Variants in ADHFE1 observed in about 807,000 individuals in gnomAD.
The protein encoded by ADHFE1 is alcohol dehydrogenase iron containing 1.
ADHFE1 carries 37 observed loss-of-function variants against 54.8 expected under a neutral mutation model. The observed-to-expected ratio is 0.68, with a 90% CI of 0.52 to 0.89. The LOEUF (loss-of-function observed/expected upper bound fraction) is 0.89. Among genes scored for constraint, ADHFE1 ranks in the 40% least tolerant of loss-of-function variants. The pLI is 0.00. For synonymous variants in ADHFE1, 203 were observed against 229.3 expected, an observed-to-expected ratio of 0.89 and a Z score of 1.04; for missense variants, 601 against 591.2, an observed-to-expected ratio of 1.02 and a Z score of -0.17.
At chr8:66,461,055 A>G (rs1806872072) in intron 13 of ADHFE1, among the ~76,000 whole-genome samples, 3 of 152,346 alleles carry the variant, frequency 2.0e-5, no homozygotes, top group Middle Eastern at 3.4e-3. Flanking sequence ...GTAGAATCAT[A>G]CTAGGTGTAA....
intron 10 of ADHFE1, 69 bp from the exon 11 acceptor site, chr8:66,456,748 G>GT: frequency 8.3e-7 from 1 of 1,203,068 alleles, no homozygotes; most frequent in East Asian, 2.4e-5. Flanking sequence ...CCCCATAAGA[G>GT]TATCTTTCTA....
rs1436232640 is a variant in ADHFE1 at position 66,454,102 on chromosome 8, C to A, written c.931C>A (p.His311Asn). The A allele has an allele frequency of 6.2e-7, 1 of 1,614,064 alleles. No individual in the cohort carries two copies. The change falls in exon 10 of 14, where the codon CAC becomes AAC. Residue 311 changes from histidine (H) to asparagine (N), a missense_variant. His to Asn is a moderately conservative substitution (Grantham distance 68). Coordinates refer to ENST00000396623, the MANE Select transcript of ADHFE1 (RefSeq NM_144650.3). ...TGATCTTGAAGCAAGGTCTCATATG[C>A]ACTTGGCAAGTGCTTTTGCTGGCAT... ...PDDLEARSHM[H>N]LASAFAGIGF... is the part of the protein sequence containing the mutation.
chr8:66,439,337 C>T lies in ADHFE1; in HGVS notation c.60-825C>T. On this transcript the variant is annotated intron_variant, in intron 1 of 13. Coordinates refer to ENST00000396623, the MANE Select transcript of ADHFE1 (RefSeq NM_144650.3). The surrounding 1 kb of genome is among the most constrained non-coding windows in gnomAD (Gnocchi z 4.4). ...TGGGCAACCCAACGAAACATAAAAC[C>T]GTCTTCCCAGCCTCGATCAGAGAGC... is the stretch of plus-strand genomic sequence containing the variant. 7.1e-6 allele frequency: 7 copies of T among 985,646 alleles called. No individual in the cohort carries two copies. Among genetic ancestry groups the T allele is most frequent in the Non-Finnish European group, 8.4e-6 (7 of 830,134 alleles). 61.1% of individuals were successfully genotyped at this position (985,646 alleles called of 1,614,324 possible).
At chr8:66,464,154 A>T (rs1288307616) in intron 13 of ADHFE1, among the ~76,000 whole-genome samples, 3 of 152,190 alleles carry the variant, frequency 2.0e-5, no homozygotes, top group Non-Finnish European at 4.4e-5. Context: ...TCCCATGTTA[A>T]TGAGTTGTCC....
rs762481783 is a variant in ADHFE1 at position 66,445,361 on chromosome 8, C to A, written c.497C>A (p.Ala166Asp). The part of the protein sequence containing the change: ...PHSDFLDYVS[A>D]PIGKGKPVSV... Reference sequence around the variant, plus strand: ...TCTGATTTCCTAGATTATGTCAGTGCCCCCATTGGCAAGGGAAAGCCTGTG... The same window carrying A: ...TCTGATTTCCTAGATTATGTCAGTGACCCCATTGGCAAGGGAAAGCCTGTG... The change falls in exon 6 of 14, where the codon GCC becomes GAC. Residue 166 changes from alanine to aspartate, a missense_variant. Coordinates refer to ENST00000396623, the MANE Select transcript of ADHFE1 (RefSeq NM_144650.3). 6.2e-7 allele frequency: 1 copy of A among 1,613,804 alleles called. No homozygotes were observed. Among genetic ancestry groups the A allele is most frequent in the Non-Finnish European group, 8.5e-7 (1 of 1,179,948 alleles).
chr8:66,432,722 G>T, intron 1 of ADHFE1, 147 bp downstream of exon 1: 1 of 1,232,792 alleles, frequency 8.1e-7, no homozygotes, highest in Non-Finnish European at 1.0e-6. Flanking sequence ...CCCACCGCGC[G>T]CCAGGCGGAA....
chr8:66,433,023 A>C, intron 1 of ADHFE1: 2 of 480,602 alleles, frequency 4.2e-6, no homozygotes, highest in Non-Finnish European at 5.4e-6. Context: ...GGACGAGGCT[A>C]AAACCGGCTA....
intron 8 of ADHFE1, among the ~76,000 whole-genome samples, chr8:66,449,195 C>G (rs940043501): frequency 2.0e-5 from 3 of 152,282 alleles, no homozygotes; most frequent in South Asian, 4.1e-4. Flanking sequence ...TGGATCCCCC[C>G]CAGCCACAGC....
At chr8:66,443,841 T>G (rs144608101) in intron 3 of ADHFE1, among the ~76,000 whole-genome samples, 1 of 152,274 alleles carries the variant, frequency 6.6e-6, no homozygotes, top group Non-Finnish European at 1.5e-5. Flanking sequence ...AAAAAGAAAT[T>G]TAAACATAAC....
chr8:66,463,855 A>G (rs1807031614), intron 13 of ADHFE1, among the ~76,000 whole-genome samples: 1 of 152,244 alleles, frequency 6.6e-6, no homozygotes, highest in African/African-American at 2.4e-5. Flanking sequence ...CCAGGCCAGT[A>G]TTCTTGACCA....
chr8:66,447,685 CAAGG>C (rs763556574), intron 7 of ADHFE1, among the ~76,000 whole-genome samples: 1 of 152,052 alleles, frequency 6.6e-6, no homozygotes, highest in Non-Finnish European at 1.5e-5. Context: ...ATCAAGGAGC[CAAGG>C]AAAGGGTTTG....
Position 66,451,941 on chromosome 8 carries a change from A to G in ADHFE1, c.735-12A>G. The G allele has an allele frequency of 6.2e-7, 1 of 1,612,798 alleles. No homozygotes were observed. Among genetic ancestry groups the G allele is most frequent in the Non-Finnish European group, 8.5e-7 (1 of 1,179,492 alleles). Reference sequence around the variant, plus strand: ...CGCTTTCCATCTGTGTACTTTCAATATTTCTTTTTAGCCATGCCCTGGAGT... The same window carrying G: ...CGCTTTCCATCTGTGTACTTTCAATGTTTCTTTTTAGCCATGCCCTGGAGT... On this transcript the variant is annotated splice_polypyrimidine_tract_variant and intron_variant, in intron 8 of 13. Coordinates refer to ENST00000396623, the MANE Select transcript of ADHFE1 (RefSeq NM_144650.3).
At chr8:66,457,687 A>G (rs1007220790) in intron 12 of ADHFE1, among the ~76,000 whole-genome samples, 1 of 152,144 alleles carries the variant, frequency 6.6e-6, no homozygotes, top group African/African-American at 2.4e-5. Flanking sequence ...ATATAAATAT[A>G]TGATTAAAAA....
In ADHFE1 at chr8:66,432,504, G is replaced by A. The variant is rs756114105; in HGVS notation, c.-13G>A. The A allele has an allele frequency of 7.4e-7, 1 of 1,359,442 alleles. No individual in the cohort carries two copies. The highest frequency in any genetic ancestry group is 1.8e-5 in the South Asian group (1 of 55,186). The allele number at this position is 1,359,442 out of a possible 1,614,324, so 84.2% of individuals were successfully genotyped here. A position where few individuals can be genotyped will look rare whatever the true frequency, so the allele number is the denominator to read the frequency against. ...GTGTAGCGACCCGAGGAGGGAAGAG[G>A]ACTCCAAGCGCCATGGCCGCTGCCG... is the stretch of plus-strand genomic sequence containing the variant. On this transcript the variant is annotated 5_prime_UTR_variant, in exon 1 of 14. Transcript: ENST00000396623.
In ADHFE1 at chr8:66,439,768, G is replaced by A; in HGVS notation, c.60-394G>A. ...CCCAGCATAGGGTAGTAAGTAAGAA[G>A]AGGCACACAGAGTTAACCTTGGGCC... On this transcript the variant is annotated intron_variant, in intron 1 of 13. Coordinates refer to ENST00000396623, the MANE Select transcript of ADHFE1 (RefSeq NM_144650.3). The surrounding 1 kb of genome is among the most constrained non-coding windows in gnomAD (Gnocchi z 4.4). 1 of 1,031,876 alleles carries A rather than the reference G, an allele frequency of 9.7e-7. No individual in the cohort carries two copies. The highest frequency in any genetic ancestry group is 1.2e-6 in the Non-Finnish European group (1 of 860,040). 63.9% of individuals were successfully genotyped at this position (1,031,876 alleles called of 1,614,324 possible).
At chr8:66,451,183 G>T (rs1166031784) in intron 8 of ADHFE1, among the ~76,000 whole-genome samples, 1 of 152,218 alleles carries the variant, frequency 6.6e-6, no homozygotes, top group Admixed American at 6.5e-5. Context: ...GTCATGGCAG[G>T]CCAGCAGGTG....
intron 6 of ADHFE1, among the ~76,000 whole-genome samples, chr8:66,447,009 A>T (rs1195649410): frequency 6.6e-6 from 1 of 152,240 alleles, no homozygotes; most frequent in East Asian, 1.9e-4. Flanking sequence ...AGATACAGAC[A>T]TCATACACAT....
intron 2 of ADHFE1, among the ~76,000 whole-genome samples, chr8:66,441,412 G>A (rs1318542462): frequency 6.6e-6 from 1 of 152,042 alleles, no homozygotes; most frequent in African/African-American, 2.4e-5. Context: ...TTTTTTTTAA[G>A]CCTAGAGGAA....
At chr8:66,465,504 T>G (rs1490691035) in intron 13 of ADHFE1, among the ~76,000 whole-genome samples, 1 of 152,230 alleles carries the variant, frequency 6.6e-6, no homozygotes, top group African/African-American at 2.4e-5. Flanking sequence ...TTATTGGCTA[T>G]GTATATATAT....
Sources: allele counts gnomAD v4.1 joint callset (sites outside exome capture counted in the v4.1 genomes callset), GRCh38; gene constraint gnomAD v4.1.1; non-coding constraint Gnocchi (gnomAD v3.1); transcripts MANE v1.5; gene names NCBI Gene and HGNC (gene_info 2026-07-23, HGNC 2026-07-21).